GREB1L: variants seen among roughly 807,000 people sequenced by gnomAD.
GREB1L encodes the protein GREB1 like retinoic acid receptor coactivator.
Under a neutral mutation model 200.8 loss-of-function variants are expected in GREB1L, and 17 were observed. That is an observed-to-expected ratio of 0.08 (90% CI 0.06 to 0.13). The LOEUF (loss-of-function observed/expected upper bound fraction) is 0.13. GREB1L is among the 10% of genes least tolerant of loss of function. The pLI, the probability that GREB1L is intolerant of heterozygous loss-of-function variation, is 1.00. For synonymous variants in GREB1L, 789 were observed against 893.0 expected, an observed-to-expected ratio of 0.88 and a Z score of 2.08; for missense variants, 1,657 against 2,367.7, an observed-to-expected ratio of 0.70 and a Z score of 6.23.
intron 2 of GREB1L, among the ~76,000 whole-genome samples, chr18:21,380,019 T>TA (rs1334519269): frequency 1.3e-5 from 2 of 152,300 alleles, no homozygotes; most frequent in East Asian, 3.9e-4. Flanking sequence ...AAACTTTTTG[T>TA]AAAAAAGAAA....
At chr18:21,302,506 G>C (rs2038633553) in intron 1 of GREB1L, among the ~76,000 whole-genome samples, 1 of 152,106 alleles carries the variant, frequency 6.6e-6, no homozygotes, top group Non-Finnish European at 1.5e-5. Flanking sequence ...AAAGCTGATT[G>C]GTTAATATCA....
chr18:21,294,028 C>T (rs1343286554), intron 1 of GREB1L, among the ~76,000 whole-genome samples: 1 of 152,062 alleles, frequency 6.6e-6, no homozygotes, highest in Non-Finnish European at 1.5e-5. Context: ...GTGATCTGCC[C>T]ACCTCAGCCT....
At chr18:21,424,684 AAAAC>A (rs2032423239) in intron 7 of GREB1L, among the ~76,000 whole-genome samples, 1 of 152,228 alleles carries the variant, frequency 6.6e-6, no homozygotes, top group Non-Finnish European at 1.5e-5. Context: ...AATTCAATAA[AAAAC>A]AAAAAGTGTA....
intron 1 of GREB1L, among the ~76,000 whole-genome samples, chr18:21,304,240 T>G (rs2038664193): frequency 1.3e-5 from 2 of 151,390 alleles, no homozygotes; most frequent in Admixed American, 1.3e-4. Flanking sequence ...ATTATTATTA[T>G]TATTATTATT....
At position 21,473,586 on chromosome 18, in the gene GREB1L, AAG is replaced by A. The variant is rs1354622010; in HGVS notation, c.2363+377_2363+378del. ...TTTGTCTCAAAAAAAAAAAAAAAAA[AAG>A]AAAGAAAAGAAAATGTGTTAAAGGT... is the stretch of plus-strand genomic sequence containing the variant. On this transcript the variant is annotated intron_variant, in intron 16 of 32. Coordinates refer to ENST00000424526, the MANE Select transcript of GREB1L (RefSeq NM_001142966.3). 5.1e-3 allele frequency among the ~76,000 whole-genome samples: 417 copies of A among 81,982 alleles called. 8 individuals carry two copies. The highest frequency in any genetic ancestry group is 0.036 in the African/African-American group (394 of 11,088). 53.8% of individuals were successfully genotyped at this position (81,982 alleles called of 152,430 possible). A position where few individuals can be genotyped will look rare whatever the true frequency, so the allele number is the denominator to read the frequency against.
At position 21,515,539 on chromosome 18, in the gene GREB1L, A is replaced by G. The variant is rs895526703; in HGVS notation, c.5024A>G (p.Lys1675Arg). The change falls in exon 29 of 33, where the codon AAG (lysine) becomes AGG (arginine). Residue 1675 changes from lysine (K) to arginine (R), a missense_variant. By Grantham distance (26) the Lys-to-Arg change is conservative. Coordinates refer to ENST00000424526, the MANE Select transcript of GREB1L (RefSeq NM_001142966.3). ...AILGIQKWSS[K>R]LTSQSLKAPF... is the part of the protein sequence containing the mutation. ...TTGGGCATACAGAAATGGAGCAGCA[A>G]GCTGACTTCTCAGAGCCTAAAGGCC... 12 of 1,551,604 alleles carry G rather than the reference A, an allele frequency of 7.7e-6. No homozygotes were observed. In the Middle Eastern group the frequency reaches 1.0e-3, roughly 129 times the overall value.
At chr18:21,513,386 A>C (rs1361185109) in intron 27 of GREB1L, among the ~76,000 whole-genome samples, 1 of 152,138 alleles carries the variant, frequency 6.6e-6, no homozygotes, top group Non-Finnish European at 1.5e-5. Flanking sequence ...AGCCCAGTTA[A>C]CTCCCTAGTA....
At chr18:21,481,341 A>C (rs1210125645) in intron 17 of GREB1L, among the ~76,000 whole-genome samples, 3 of 152,030 alleles carry the variant, frequency 2.0e-5, no homozygotes, top group Non-Finnish European at 4.4e-5. Flanking sequence ...ATGCAAAAGA[A>C]GACTGGAAAT....
intron 1 of GREB1L, among the ~76,000 whole-genome samples, chr18:21,352,210 G>A (rs1172277430): frequency 3.9e-5 from 6 of 151,976 alleles, no homozygotes; most frequent in South Asian, 2.1e-4. Context: ...TATATGAATG[G>A]GGTATTAAAA....
At chr18:21,370,791 A>G (rs1036822528) in intron 2 of GREB1L, among the ~76,000 whole-genome samples, 1 of 152,198 alleles carries the variant, frequency 6.6e-6, no homozygotes, top group Non-Finnish European at 1.5e-5. Context: ...TATTTAAATT[A>G]ATTACTGCTG....
intron 7 of GREB1L, among the ~76,000 whole-genome samples, chr18:21,423,436 T>C (rs1057262530): frequency 7.2e-5 from 11 of 152,300 alleles, no homozygotes; most frequent in African/African-American, 2.6e-4. Context: ...TGAGAAATAA[T>C]CCTTGGAAGC....
intron 1 of GREB1L, among the ~76,000 whole-genome samples, chr18:21,358,546 A>G (rs754642892): frequency 3.3e-5 from 5 of 152,080 alleles, no homozygotes; most frequent in Admixed American, 6.6e-5. Flanking sequence ...TGATCTCCTG[A>G]CCTCGTGATC....
intron 7 of GREB1L, among the ~76,000 whole-genome samples, chr18:21,410,609 C>T (rs983588928): frequency 3.3e-5 from 5 of 151,128 alleles, no homozygotes; most frequent in Admixed American, 1.3e-4. Flanking sequence ...GAGCCAAGAT[C>T]GTGCCACTGC....
In GREB1L at chr18:21,522,737, G is replaced by T. The variant is rs1277283005; in HGVS notation, c.5688G>T (p.Trp1896Cys). 6.4e-7 allele frequency: 1 copy of T among 1,551,680 alleles called. No individual in the cohort carries two copies. The highest frequency in any genetic ancestry group is 2.4e-5 in the East Asian group (1 of 40,922). The change falls in exon 33 of 33, where the codon TGG becomes TGT. Residue 1896 changes from tryptophan to cysteine, a missense_variant. Transcript: ENST00000424526. ...TCCGCTTAGAGCTAGAAGATGAGTG[G>T]CAGTTCCGCCTCCGGGACGAGTTTC... is the stretch of plus-strand genomic sequence containing the variant. Reference protein sequence around the residue: ...TIVRLELEDEWQFRLRDEFQT... With the variant: ...TIVRLELEDECQFRLRDEFQT...
chr18:21,297,582 C>A (rs1279036043), intron 1 of GREB1L, among the ~76,000 whole-genome samples: 1 of 152,002 alleles, frequency 6.6e-6, no homozygotes, highest in Admixed American at 6.6e-5. Flanking sequence ...GATCTGGGGT[C>A]TGGGAGGCAT....
chr18:21,382,288 C>G (rs1445404232), intron 2 of GREB1L, among the ~76,000 whole-genome samples: 1 of 151,530 alleles, frequency 6.6e-6, no homozygotes, highest in Admixed American at 6.6e-5. Flanking sequence ...TTGCACTGAG[C>G]CAAGATTGTG....
chr18:21,360,180 G>A (rs960297234), intron 1 of GREB1L, among the ~76,000 whole-genome samples: 1 of 151,996 alleles, frequency 6.6e-6, no homozygotes, highest in African/African-American at 2.4e-5. Flanking sequence ...TTATTTTTAA[G>A]CTTTCTTAAC....
At chr18:21,452,338 T>C in intron 14 of GREB1L, 121 bp downstream of exon 14, 2 of 952,294 alleles carry the variant, frequency 2.1e-6, no homozygotes, top group Non-Finnish European at 1.5e-6. Flanking sequence ...CTTTTCCTGA[T>C]TGTCTACATG....
At chr18:21,251,664 C>T (rs2037706659) in intron 1 of GREB1L, among the ~76,000 whole-genome samples, 2 of 152,090 alleles carry the variant, frequency 1.3e-5, no homozygotes, top group South Asian at 2.1e-4. Context: ...ATTATCATCT[C>T]GGCTGGGCAC....
Sources: allele counts gnomAD v4.1 joint callset (sites outside exome capture counted in the v4.1 genomes callset), GRCh38; gene constraint gnomAD v4.1.1; transcripts MANE v1.5; gene names NCBI Gene and HGNC (gene_info 2026-07-23, HGNC 2026-07-21).